MAPK12: variants seen among roughly 807,000 people sequenced by gnomAD.
The protein encoded by MAPK12 is MAP kinase 12.
MAPK12 carries 49 observed loss-of-function variants against 49.1 expected under a neutral mutation model. That is an observed-to-expected ratio of 1.00 (90% CI 0.79 to 1.27). The LOEUF is 1.27. Ranked by LOEUF, MAPK12 falls within the 50% of genes most tolerant of loss-of-function variation. The pLI, the probability that MAPK12 is intolerant of heterozygous loss-of-function variation, is 0.00. For synonymous variants in MAPK12, 251 were observed against 209.7 expected, an observed-to-expected ratio of 1.20 and a Z score of -1.70; for missense variants, 554 against 502.4, an observed-to-expected ratio of 1.10 and a Z score of -0.98.
chr22:50,256,451 C>T, intron 6 of MAPK12, 148 bp downstream of exon 6: 1 of 1,071,552 alleles, frequency 9.3e-7, no homozygotes, highest in Non-Finnish European at 1.4e-6. Context: ...GTACCACTGC[C>T]TCTTGGGCTC....
intron 7 of MAPK12, 38 bp from the exon 8 acceptor site, chr22:50,255,919 G>C (rs559973598): frequency 1.3e-6 from 2 of 1,589,158 alleles, no homozygotes; most frequent in East Asian, 4.5e-5. Flanking sequence ...TGGGCAGGGG[G>C]ACAGGATGAG....
chr22:50,259,138 C>G (rs2065182604), intron 2 of MAPK12, among the ~76,000 whole-genome samples: 1 of 152,094 alleles, frequency 6.6e-6, no homozygotes, highest in Admixed American at 6.6e-5. Flanking sequence ...TAGGAACCGG[C>G]CAGAGTGAGG....
chr22:50,261,326 C>T (rs2065211328), intron 1 of MAPK12, 30 bp from the exon 2 acceptor site: 22 of 1,265,398 alleles, frequency 1.7e-5, no homozygotes, highest in Non-Finnish European at 2.1e-5. Flanking sequence ...GCGGGAAGGC[C>T]GGGCACCCCG....
intron 11 of MAPK12, 176 bp downstream of exon 11, chr22:50,255,021 C>CT: frequency 6.7e-7 from 1 of 1,484,204 alleles, no homozygotes. Flanking sequence ...ATCTAGGACT[C>CT]TGAGCCTGGC....
intron 3 of MAPK12, among the ~76,000 whole-genome samples, chr22:50,257,408 G>A (rs996900617): frequency 7.9e-5 from 12 of 152,194 alleles, no homozygotes; most frequent in African/African-American, 2.4e-4. Flanking sequence ...TGCCAGCAGC[G>A]CTCACACCCC....
In MAPK12 at chr22:50,253,284, T is replaced by G. The variant is rs1171768137; in HGVS notation, c.*117A>C. On this transcript the variant is annotated 3_prime_UTR_variant, in exon 12 of 12. Transcript: ENST00000215659. ...GGAGGGTCCATGGAACCCGGGCGTC[T>G]GCTCTGATGGATGCCTTGGGATGCA... The G allele has an allele frequency of 2.5e-6, 2 of 784,746 alleles. No individual in the cohort carries two copies. Among genetic ancestry groups the G allele is most frequent in the Non-Finnish European group, 4.5e-6 (2 of 448,772 alleles). 48.6% of individuals were successfully genotyped at this position (784,746 alleles called of 1,614,324 possible).
chr22:50,261,203 G>A lies in MAPK12; in HGVS notation c.219C>T (p.Arg73=). 1 of 1,591,660 alleles carries A rather than the reference G, an allele frequency of 6.3e-7. No homozygotes were observed. The highest frequency in any genetic ancestry group is 8.5e-7 in the Non-Finnish European group (1 of 1,170,278). The change falls in exon 2 of 12, where the codon CGC becomes CGT. Residue 73 remains arginine, a synonymous_variant. Transcript: ENST00000215659. ...GCATGTGCTTGAGCAGGCGCAGCTCGCGGTAGGCGCGCTTGGCGAACAGCT... is the reference window on the plus strand; with the variant it reads ...GCATGTGCTTGAGCAGGCGCAGCTCACGGTAGGCGCGCTTGGCGAACAGCT... ...QSELFAKRAY[R]ELRLLKHMRH...
Position 50,253,482 on chromosome 22 carries a change from TGGCGGGGGTGGGGG to T in MAPK12, c.1025-16_1025-3del. The T allele has an allele frequency of 5.5e-5, 6 of 108,322 alleles. No homozygotes were observed. The highest frequency in any genetic ancestry group is 8.8e-5 in the Non-Finnish European group (6 of 68,550). 6.7% of individuals were successfully genotyped at this position (108,322 alleles called of 1,614,324 possible). A position where few individuals can be genotyped will look rare whatever the true frequency, so the allele number is the denominator to read the frequency against. On this transcript the variant is annotated splice_region_variant and splice_polypyrimidine_tract_variant and intron_variant, in intron 11 of 11. Transcript: ENST00000215659. ...TGAGCACCTCTTTGTAAGTAACACC[TGGCGGGGGTGGGGG>T]GGCGGGCACAACAGAGAGGGGGGTC...
chr22:50,253,733 C>T (rs969922843), intron 11 of MAPK12: 1 of 560,770 alleles, frequency 1.8e-6, no homozygotes, highest in African/African-American at 1.9e-5. Context: ...AGGCCTCAGC[C>T]ACAGTTGTGT....
chr22:50,259,621 G>A (rs934649377), intron 2 of MAPK12, among the ~76,000 whole-genome samples: 1 of 152,142 alleles, frequency 6.6e-6, no homozygotes, highest in African/African-American at 2.4e-5. Flanking sequence ...GGTGGCTCAC[G>A]CCTGTAACCC....
chr22:50,256,054 G>T (rs1569142071), intron 7 of MAPK12, 31 bp downstream of exon 7: 3 of 1,586,738 alleles, frequency 1.9e-6, no homozygotes, highest in Non-Finnish European at 1.7e-6. Flanking sequence ...GGTGCAGCCT[G>T]AGAGGCCCAG....
chr22:50,255,869 G>A lies in MAPK12; in HGVS notation c.632C>T (p.Ser211Phe). The change falls in exon 8 of 12, where the codon TCT becomes TTT. Residue 211 changes from serine to phenylalanine, a missense_variant. Transcript: ENST00000215659. ...CATCTCCGCCATGATGCAGCCCACA[G>A]ACCAGATGTCCACTGAGATAGAAGC... ...MRYTQTVDIWSVGCIMAEMIT... is the reference protein window; with the variant it reads ...MRYTQTVDIWFVGCIMAEMIT... 1 of 1,612,652 alleles carries A rather than the reference G, an allele frequency of 6.2e-7. No homozygotes were observed. Among genetic ancestry groups the A allele is most frequent in the Non-Finnish European group, 8.5e-7 (1 of 1,179,926 alleles).
chr22:50,259,654 G>A (rs2065188871), intron 2 of MAPK12, among the ~76,000 whole-genome samples: 2 of 152,098 alleles, frequency 1.3e-5, no homozygotes, highest in South Asian at 4.1e-4. Flanking sequence ...AAGCCGAGGC[G>A]AGCAGATCAC....
intron 11 of MAPK12, 22 bp from the exon 12 acceptor site, chr22:50,253,502 G>GGGCCCCCCCCCCCCC: frequency 5.8e-6 from 1 of 171,664 alleles, no homozygotes; most frequent in Non-Finnish European, 1.1e-5. Flanking sequence ...GGGGGGGCGG[G>GGGCCCCCCCCCCCCC]CACAACAGAG....
At chr22:50,253,502 G>GGGGGGGGGGGGGGGGGCCCCCCCCCCCCC in intron 11 of MAPK12, 22 bp from the exon 12 acceptor site, 1 of 171,672 alleles carries the variant, frequency 5.8e-6, no homozygotes, top group African/African-American at 6.7e-5. Context: ...GGGGGGGCGG[G>GGGGGGGGGGGGGGGGGCCCCCCCCCCCCC]CACAACAGAG....
At chr22:50,254,828 T>C in intron 11 of MAPK12, 1 of 1,168,870 alleles carries the variant, frequency 8.6e-7, no homozygotes, top group East Asian at 5.8e-5. Flanking sequence ...CCTGGTTCCC[T>C]GACTCACAGC....
chr22:50,254,672 G>T, intron 11 of MAPK12: 1 of 1,016,370 alleles, frequency 9.8e-7, no homozygotes, highest in Non-Finnish European at 1.2e-6. Flanking sequence ...AATGGGGCAA[G>T]GAGAGGCAAG....
chr22:50,255,271 G>C lies in MAPK12; in HGVS notation c.950C>G (p.Thr317Arg), dbSNP rs140312551. The change falls in exon 11 of 12, where the codon ACG (threonine) becomes AGG (arginine). Residue 317 changes from threonine to arginine, a missense_variant. Physicochemically the swap from Thr to Arg is moderately conservative, Grantham distance 71. Transcript: ENST00000215659. ...AHPYFESLHD[T>R]EDEPQVQKYD... The stretch of plus-strand genomic sequence containing the variant: ...CTTCTGGACCTGGGGCTCATCTTCC[G>C]TGTCGTGCAGGGACTCGAAGTAGGG... 2 of 1,613,858 alleles carry C rather than the reference G, an allele frequency of 1.2e-6. No individual in the cohort carries two copies. The highest frequency in any genetic ancestry group is 1.7e-6 in the Non-Finnish European group (2 of 1,180,016).
chr22:50,253,502 G>GCCCCCCCCCCCCCCCCCCC, intron 11 of MAPK12, 22 bp from the exon 12 acceptor site: 3 of 171,672 alleles, frequency 1.7e-5, no homozygotes, highest in Non-Finnish European at 3.4e-5. Flanking sequence ...GGGGGGGCGG[G>GCCCCCCCCCCCCCCCCCCC]CACAACAGAG....
Sources: gnomAD v4.1 joint callset for allele counts (sites outside exome capture counted in the v4.1 genomes callset) on GRCh38, gnomAD v4.1.1 for gene constraint, MANE v1.5 for transcripts, NCBI Gene and HGNC (gene_info 2026-07-23, HGNC 2026-07-21) for gene names.